The following TLN2 variants were observed in gnomAD, a reference collection of about 807,000 sequenced individuals.
TLN2 encodes the protein talin 2, also known as talin-2.
In TLN2, 118 loss-of-function variants were observed where a neutral mutation model predicts 294.7. The observed-to-expected ratio is 0.40, with a 90% CI of 0.34 to 0.47. The LOEUF (loss-of-function observed/expected upper bound fraction) is 0.47. TLN2 is among the 20% of genes least tolerant of loss of function. The probability of loss-of-function intolerance (pLI) is 0.84; values close to 1 mark genes in which losing one functional copy is unlikely to be tolerated. For missense variants in TLN2, 3,083 were observed against 3,282.2 expected (o/e 0.94, Z 1.48); for synonymous variants, 1,431 against 1,304.5 (o/e 1.10, Z -2.09).
chr15:62,534,768 T>G (rs1316328564), intron 1 of TLN2, among the ~76,000 whole-genome samples: 2 of 152,160 alleles, frequency 1.3e-5, no homozygotes, highest in Non-Finnish European at 2.9e-5. Context: ...GTCATCTTAC[T>G]AGCACACAAA....
At chr15:62,596,264 C>CAA (rs71129015) in intron 2 of TLN2, among the ~76,000 whole-genome samples, 4,143 of 81,582 alleles carry the variant, frequency 0.051, 368 homozygotes, top group African/African-American at 0.18. Context: ...GACTCCATCT[C>CAA]AAAAAAAAAA....
chr15:62,391,293 A>C (rs116004410), intron 1 of TLN2, among the ~76,000 whole-genome samples: 2 of 152,286 alleles, frequency 1.3e-5, no homozygotes, highest in South Asian at 4.1e-4. Context: ...ACTGCCCTTT[A>C]CTTGGCAATC....
chr15:62,524,981 T>C (rs2040658905), intron 1 of TLN2, among the ~76,000 whole-genome samples: 1 of 152,208 alleles, frequency 6.6e-6, no homozygotes, highest in African/African-American at 2.4e-5. Flanking sequence ...GTTAGCTAAA[T>C]AGGACAAGAG....
At position 62,843,934 on chromosome 15, in the gene TLN2, T is replaced by C. The variant is rs1176886535; in HGVS notation, c.*3324T>C. 1 of 152,182 alleles carries C rather than the reference T, an allele frequency of 6.6e-6. No homozygotes were observed. The highest frequency in any genetic ancestry group is 1.5e-5 in the Non-Finnish European group (1 of 68,056). The allele number at this position is 152,182 out of a possible 1,614,324, so 9.4% of individuals were successfully genotyped here. The stretch of plus-strand genomic sequence containing the variant: ...TGAGGTTCTGGGCTCTGGAAAGGCC[T>C]CTGGGATGCTGGCCTTAAGATCTCA... On this transcript the variant is annotated 3_prime_UTR_variant, in exon 59 of 59. Coordinates refer to ENST00000636159, the MANE Select transcript of TLN2 (RefSeq NM_015059.3).
chr15:62,557,874 T>C (rs1269447256), intron 1 of TLN2, among the ~76,000 whole-genome samples: 1 of 152,210 alleles, frequency 6.6e-6, no homozygotes, highest in Non-Finnish European at 1.5e-5. Flanking sequence ...TTCAAATTAC[T>C]GTGTGTGCCT....
At position 62,741,748 on chromosome 15, in the gene TLN2, C is replaced by CGCGTGTGTGTGTGT; in HGVS notation, c.4025+980_4025+981insCGTGTGTGTGTGTG. 3.9e-3 allele frequency among the ~76,000 whole-genome samples: 507 copies of CGCGTGTGTGTGTGT among 131,158 alleles called. 2 individuals are homozygous for CGCGTGTGTGTGTGT. The highest frequency in any genetic ancestry group is 3.9e-3 in the Non-Finnish European group (245 of 62,624). 86.0% of individuals were successfully genotyped at this position (131,158 alleles called of 152,430 possible). A position where few individuals can be genotyped will look rare whatever the true frequency, so the allele number is the denominator to read the frequency against. ...TTAACTTGGTTTTTTAAAATTTGCGCGTGTGTGTGTGTGTGTGTGTCTTTA... is the reference window on the plus strand; with the variant it reads ...TTAACTTGGTTTTTTAAAATTTGCGCGCGTGTGTGTGTGTGTGTGTGTGTGTGTGTGTGTCTTTA... On this transcript the variant is annotated intron_variant, in intron 32 of 58. Coordinates refer to ENST00000636159, the MANE Select transcript of TLN2 (RefSeq NM_015059.3).
Position 62,708,650 on chromosome 15 carries a change from C to A in TLN2, c.2321C>A (p.Ala774Asp). ...SELLKQVSAAASVVSQALHDL... is the reference protein window; with the variant it reads ...SELLKQVSAADSVVSQALHDL... The stretch of plus-strand genomic sequence containing the variant: ...CTCCTGAAGCAGGTCAGCGCAGCGG[C>A]CAGCGTGGTCAGCCAGGCCCTCCAT... The change falls in exon 21 of 59, where the codon GCC becomes GAC. Residue 774 changes from alanine (A) to aspartate (D), a missense_variant. Transcript: ENST00000636159. 1 of 1,614,216 alleles carries A rather than the reference C, an allele frequency of 6.2e-7. No homozygotes were observed. Among genetic ancestry groups the A allele is most frequent in the South Asian group, 1.1e-5 (1 of 91,088 alleles).
At chr15:62,529,899 G>A (rs898073704) in intron 1 of TLN2, among the ~76,000 whole-genome samples, 1 of 152,162 alleles carries the variant, frequency 6.6e-6, no homozygotes, top group African/African-American at 2.4e-5. Flanking sequence ...CTGATATTTT[G>A]TTATTCTTAG....
chr15:62,696,497 A>G (rs973363747), intron 14 of TLN2, among the ~76,000 whole-genome samples: 2 of 152,204 alleles, frequency 1.3e-5, no homozygotes, highest in African/African-American at 4.8e-5. Context: ...ACCTGAGGTC[A>G]GGAGTTCAAG....
rs749336851 is a variant in TLN2 at position 62,701,972 on chromosome 15, A to C, written c.1697-20A>C. ...AACCATGTGCCCTCCTTTGATGGGG[A>C]TGGTTCTTTTCTGTGCCAGGTGACC... On this transcript the variant is annotated intron_variant, in intron 17 of 58. Transcript: ENST00000636159. 1.9e-6 allele frequency: 3 copies of C among 1,612,650 alleles called. No individual in the cohort carries two copies. Among genetic ancestry groups the C allele is most frequent in the Non-Finnish European group, 2.5e-6 (3 of 1,179,470 alleles).
chr15:62,702,849 T>A lies in TLN2; in HGVS notation c.1989T>A (p.Thr663=). 1 of 1,614,166 alleles carries A rather than the reference T, an allele frequency of 6.2e-7. No individual in the cohort carries two copies. Among genetic ancestry groups the A allele is most frequent in the Middle Eastern group, 1.6e-4 (1 of 6,062 alleles). Residue 663 remains threonine, a synonymous_variant, in exon 19 of 59, where the codon ACT becomes ACA. Transcript: ENST00000636159. The part of the protein sequence containing the change: ...DLLRQIGENE[T]DERFQDVLMS... ...TGAGACAGATTGGAGAGAATGAGAC[T>A]GATGAGCGATTCCAGGTAAGATATT...
intron 42 of TLN2, among the ~76,000 whole-genome samples, chr15:62,771,752 T>C (rs1567571283): frequency 6.6e-6 from 1 of 152,216 alleles, no homozygotes; most frequent in African/African-American, 2.4e-5. Flanking sequence ...TGGTCTGATC[T>C]ATCTGGAGCA....
chr15:62,713,897 C>CATATATATATATATATAT (rs34783254), intron 22 of TLN2, among the ~76,000 whole-genome samples: 9 of 119,064 alleles, frequency 7.6e-5, no homozygotes, highest in South Asian at 3.1e-4. Context: ...TTCTTTAAGC[C>CATATATATATATATATAT]ATATATATAT....
At chr15:62,541,156 C>G (rs2041661004) in intron 1 of TLN2, among the ~76,000 whole-genome samples, 1 of 152,006 alleles carries the variant, frequency 6.6e-6, no homozygotes, top group Non-Finnish European at 1.5e-5. Context: ...ATTTTTATAC[C>G]TGTGTTAGGG....
chr15:62,651,927 T>C (rs376074243), intron 5 of TLN2, 78 bp from the exon 6 acceptor site: 2 of 1,432,386 alleles, frequency 1.4e-6, no homozygotes, highest in Non-Finnish European at 1.9e-6. Context: ...TTAAAATTCA[T>C]TTTTTAAAGA....
At chr15:62,639,418 G>A (rs2050751756) in intron 3 of TLN2, among the ~76,000 whole-genome samples, 1 of 152,204 alleles carries the variant, frequency 6.6e-6, no homozygotes, top group South Asian at 2.1e-4. Context: ...GTTCACACTT[G>A]TGGGGGTGGT....
At chr15:62,425,097 G>A (rs1194301461) in intron 1 of TLN2, among the ~76,000 whole-genome samples, 2 of 130,550 alleles carry the variant, frequency 1.5e-5, no homozygotes, top group Non-Finnish European at 3.3e-5. Flanking sequence ...GGACCACAGG[G>A]GCCTGCCACC....
chr15:62,528,319 G>A (rs2040848108), intron 1 of TLN2, among the ~76,000 whole-genome samples: 2 of 152,160 alleles, frequency 1.3e-5, no homozygotes, highest in Admixed American at 1.3e-4. Context: ...TAACAGAAAG[G>A]CTTACAGATC....
intron 9 of TLN2, among the ~76,000 whole-genome samples, chr15:62,663,136 T>C (rs1270773882): frequency 6.6e-6 from 1 of 152,134 alleles, no homozygotes. Flanking sequence ...TTTGACATTT[T>C]AGAATGGATT....
Sources: gnomAD v4.1 joint callset for allele counts (sites outside exome capture counted in the v4.1 genomes callset) on GRCh38, gnomAD v4.1.1 for gene constraint, MANE v1.5 for transcripts, NCBI Gene and HGNC (gene_info 2026-07-23, HGNC 2026-07-21) for gene names.